Variants in STK39 observed in about 807,000 individuals in gnomAD.
STK39 encodes STE20/SPS1-related proline-alanine-rich protein kinase.
STK39 carries 20 observed loss-of-function variants against 77.8 expected under a neutral mutation model. The ratio of observed to expected loss-of-function variants is 0.26; its 90% CI spans 0.18 to 0.37. The LOEUF (loss-of-function observed/expected upper bound fraction) is 0.37, where lower values mean the gene tolerates loss of function less well. Among genes scored for constraint, STK39 ranks in the 10% least tolerant of loss-of-function variants. STK39 has a pLI of 1.00. For synonymous variants in STK39, 246 were observed against 234.1 expected (o/e 1.05, Z -0.47); for missense variants, 479 against 656.5 (o/e 0.73, Z 2.95).
chr2:168,225,804 T>C (rs1690289679), intron 1 of STK39, among the ~76,000 whole-genome samples: 1 of 152,168 alleles, frequency 6.6e-6, no homozygotes, highest in South Asian at 2.1e-4. Flanking sequence ...CACTCACTAG[T>C]GGTGCCTGCC....
chr2:167,979,816 G>C (rs1028791041), intron 16 of STK39, among the ~76,000 whole-genome samples: 1 of 152,172 alleles, frequency 6.6e-6, no homozygotes, highest in Non-Finnish European at 1.5e-5. Context: ...ATAAAGCAGA[G>C]AAGGAACTGA....
intron 1 of STK39, 74 bp downstream of exon 1, chr2:168,247,154 C>T: frequency 9.4e-7 from 1 of 1,058,624 alleles, no homozygotes. Context: ...CAGGCTAGCC[C>T]AGCATCCCGC....
chr2:168,207,636 A>C (rs1689775247), intron 1 of STK39, among the ~76,000 whole-genome samples: 3 of 152,246 alleles, frequency 2.0e-5, no homozygotes, highest in Non-Finnish European at 4.4e-5. Context: ...AATACAAAAA[A>C]AATTTTAAAG....
chr2:168,113,209 T>C (rs1444132932), intron 10 of STK39: 2 of 152,156 alleles, frequency 1.3e-5, no homozygotes, highest in Non-Finnish European at 2.9e-5. Flanking sequence ...CATCCCCCCC[T>C]CTATTATACA....
At chr2:168,199,067 C>G (rs1401384742) in intron 1 of STK39, among the ~76,000 whole-genome samples, 1 of 152,150 alleles carries the variant, frequency 6.6e-6, no homozygotes. Flanking sequence ...CTAAAAGTAG[C>G]AGGGGGCGGG....
chr2:168,096,906 G>GAA (rs35250426), intron 10 of STK39, among the ~76,000 whole-genome samples: 17 of 151,376 alleles, frequency 1.1e-4, no homozygotes, highest in Non-Finnish European at 2.1e-4. Context: ...AATAAGCATA[G>GAA]AAAAAAAAAC....
chr2:167,964,817 A>G, intron 16 of STK39, 91 bp from the exon 17 acceptor site: 1 of 1,148,778 alleles, frequency 8.7e-7, no homozygotes, highest in Non-Finnish European at 1.3e-6. Context: ...TTGACTAATG[A>G]TGCAATAAAC....
At chr2:168,234,976 G>T (rs1690559747) in intron 1 of STK39, among the ~76,000 whole-genome samples, 1 of 147,680 alleles carries the variant, frequency 6.8e-6, no homozygotes, top group Non-Finnish European at 1.5e-5. Flanking sequence ...AACATAGTAA[G>T]ATTCCATCTC....
At chr2:168,115,666 A>G (rs1687239827) in intron 10 of STK39, among the ~76,000 whole-genome samples, 1 of 152,218 alleles carries the variant, frequency 6.6e-6, no homozygotes, top group South Asian at 2.1e-4. Flanking sequence ...GTCCAAAGGT[A>G]TATCTTAAAT....
intron 17 of STK39, among the ~76,000 whole-genome samples, chr2:167,959,659 A>G (rs981345807): frequency 1.3e-5 from 2 of 152,216 alleles, no homozygotes; most frequent in Non-Finnish European, 1.5e-5. Context: ...TTCCCACTTC[A>G]TAGCACTGAA....
At chr2:168,224,677 T>C (rs1690261240) in intron 1 of STK39, among the ~76,000 whole-genome samples, 1 of 152,182 alleles carries the variant, frequency 6.6e-6, no homozygotes, top group South Asian at 2.1e-4. Flanking sequence ...CACTGCATAG[T>C]TTTTAATAAA....
chr2:168,172,577 A>C (rs1307353363), intron 2 of STK39, among the ~76,000 whole-genome samples: 1 of 152,226 alleles, frequency 6.6e-6, no homozygotes, highest in Non-Finnish European at 1.5e-5. Context: ...TAAAGATATA[A>C]GAATTAGGAA....
At chr2:168,032,274 G>A (rs1454820385) in intron 14 of STK39, among the ~76,000 whole-genome samples, 2 of 152,120 alleles carry the variant, frequency 1.3e-5, no homozygotes, top group Non-Finnish European at 2.9e-5. Context: ...TAATAAAGCT[G>A]ATTTTTGTGT....
chr2:168,072,805 G>C (rs1685974906), intron 12 of STK39, among the ~76,000 whole-genome samples: 1 of 152,178 alleles, frequency 6.6e-6, no homozygotes, highest in Non-Finnish European at 1.5e-5. Context: ...AAGGACACAG[G>C]AAGCATCACT....
At chr2:168,010,770 T>C (rs1183955841) in intron 16 of STK39, among the ~76,000 whole-genome samples, 1 of 152,242 alleles carries the variant, frequency 6.6e-6, no homozygotes, top group East Asian at 1.9e-4. Flanking sequence ...CATTTGTATG[T>C]AAATAACATA....
At chr2:168,123,995 G>A (rs1687476622) in intron 10 of STK39, among the ~76,000 whole-genome samples, 4 of 151,988 alleles carry the variant, frequency 2.6e-5, no homozygotes, top group Admixed American at 2.6e-4. Context: ...GGATCCAGTG[G>A]GGCCAAGGGC....
chr2:168,184,338 GCTA>G (rs1450081101), intron 1 of STK39, among the ~76,000 whole-genome samples: 2 of 152,150 alleles, frequency 1.3e-5, no homozygotes, highest in Non-Finnish European at 2.9e-5. Context: ...GGAACGACTG[GCTA>G]CTTCTCATCT....
At chr2:168,053,239 T>A (rs1230415340) in intron 14 of STK39, among the ~76,000 whole-genome samples, 4 of 152,150 alleles carry the variant, frequency 2.6e-5, no homozygotes, top group Non-Finnish European at 5.9e-5. Context: ...AATCCAAATA[T>A]AAGGAAGCCA....
chr2:168,102,798 T>C (rs908668010), intron 10 of STK39, among the ~76,000 whole-genome samples: 6 of 151,826 alleles, frequency 4.0e-5, no homozygotes, highest in South Asian at 2.1e-4. Flanking sequence ...TGTGTGGTGG[T>C]GGGCACCTGT....
Sources: gnomAD v4.1 joint callset for allele counts (sites outside exome capture counted in the v4.1 genomes callset) on GRCh38, gnomAD v4.1.1 for gene constraint, MANE v1.5 for transcripts, NCBI Gene and HGNC (gene_info 2026-07-23, HGNC 2026-07-21) for gene names.